The following CSMD1 variants were observed in gnomAD, a reference collection of about 807,000 sequenced individuals.
The protein encoded by CSMD1 is CUB and Sushi multiple domains 1.
Under a neutral mutation model 417.5 loss-of-function variants are expected in CSMD1, and 213 were observed. That is an observed-to-expected ratio of 0.51 (90% confidence interval 0.46 to 0.57). CSMD1 has a LOEUF of 0.57. Ranked by LOEUF, CSMD1 falls within the 20% of genes least tolerant of loss-of-function variation. The probability of loss-of-function intolerance (pLI) is 0.00; values close to 1 mark genes in which losing one functional copy is unlikely to be tolerated. For missense variants in CSMD1, 6,923 were observed against 4,529.7 expected, an observed-to-expected ratio of 1.53 and a Z score of -15.17; for synonymous variants, 2,862 against 1,736.8, an observed-to-expected ratio of 1.65 and a Z score of -16.11.
intron 1 of CSMD1, among the ~76,000 whole-genome samples, chr8:4,777,576 A>C (rs1796929933): frequency 1.3e-5 from 2 of 152,192 alleles, no homozygotes; most frequent in Admixed American, 6.5e-5. Flanking sequence ...TTATCAGCTA[A>C]TCCTACATGT....
At chr8:3,182,842 GT>G (rs1268628653) in intron 36 of CSMD1, 936 of 30,520 alleles carry the variant, frequency 0.031, 123 homozygotes, top group South Asian at 0.044. Context: ...TTATAAGAAG[GT>G]GTGTGTGTGT....
intron 3 of CSMD1, among the ~76,000 whole-genome samples, chr8:4,171,139 T>G (rs1304170205): frequency 1.3e-5 from 2 of 151,884 alleles, no homozygotes; most frequent in African/African-American, 4.9e-5. Context: ...GTATCCATGC[T>G]CCTGCTTAGT....
intron 50 of CSMD1, among the ~76,000 whole-genome samples, chr8:3,033,360 G>T (rs1810469196): frequency 6.6e-6 from 1 of 152,070 alleles, no homozygotes; most frequent in Admixed American, 6.6e-5. Flanking sequence ...TACAGATAAA[G>T]CATTGTTGTT....
At chr8:4,695,598 C>G (rs1029410079) in intron 1 of CSMD1, among the ~76,000 whole-genome samples, 2 of 152,138 alleles carry the variant, frequency 1.3e-5, no homozygotes, top group Non-Finnish European at 1.5e-5. Flanking sequence ...CTATCCCCCC[C>G]ACCACACAGC....
Position 3,450,112 on chromosome 8 carries a change from A to T in CSMD1, c.1561+18600T>A, listed in dbSNP as rs376549521. On this transcript the variant is annotated intron_variant, in intron 12 of 69. Coordinates refer to ENST00000635120, the MANE Select transcript of CSMD1 (RefSeq NM_033225.6). ...TTTGCTGACTGTTTCACTTTCATGT[A>T]TGTGTCCTGCACATCAGGATTTGCT... Among the ~76,000 whole-genome samples, 10 of 152,162 alleles carry T rather than the reference A, an allele frequency of 6.6e-5. No homozygotes were observed. In the East Asian group the frequency reaches 1.7e-3, roughly 27 times the overall value.
intron 1 of CSMD1, among the ~76,000 whole-genome samples, chr8:4,921,667 GGTGT>G (rs201829067): frequency 6.6e-6 from 1 of 152,066 alleles, no homozygotes; most frequent in Non-Finnish European, 1.5e-5. Flanking sequence ...AGAAGTGATG[GGTGT>G]GTGTGTGTCG....
intron 5 of CSMD1, among the ~76,000 whole-genome samples, chr8:3,835,924 G>C (rs1427716323): frequency 6.6e-6 from 1 of 151,828 alleles, no homozygotes; most frequent in Non-Finnish European, 1.5e-5. Context: ...TATTTTCTCC[G>C]TAGGAACAAT....
chr8:4,292,462 C>G (rs1053770604), intron 3 of CSMD1, among the ~76,000 whole-genome samples: 1 of 152,078 alleles, frequency 6.6e-6, no homozygotes, highest in African/African-American at 2.4e-5. Flanking sequence ...CCGTGTTAGT[C>G]AGAATGGTCT....
intron 26 of CSMD1, among the ~76,000 whole-genome samples, chr8:3,266,815 G>A (rs914623265): frequency 4.7e-5 from 7 of 149,416 alleles, no homozygotes; most frequent in African/African-American, 1.7e-4. Flanking sequence ...ACCCTCAGAT[G>A]AATTGGTTGA....
At chr8:4,599,939 G>A (rs1800495779) in intron 2 of CSMD1, among the ~76,000 whole-genome samples, 1 of 152,170 alleles carries the variant, frequency 6.6e-6, no homozygotes, top group Admixed American at 6.5e-5. Context: ...GGTATGCATG[G>A]ATCTGACACG....
intron 8 of CSMD1, among the ~76,000 whole-genome samples, chr8:3,613,754 A>G (rs897197249): frequency 2.0e-5 from 3 of 151,114 alleles, no homozygotes; most frequent in Non-Finnish European, 3.0e-5. Context: ...AAAATTACAA[A>G]CAGAAGGATA....
At chr8:3,770,944 A>G (rs1028412865) in intron 5 of CSMD1, among the ~76,000 whole-genome samples, 3 of 152,132 alleles carry the variant, frequency 2.0e-5, no homozygotes, top group Admixed American at 1.3e-4. Context: ...TCCGAATTCA[A>G]TAGGAGGTAA....
At chr8:4,626,574 G>C (rs1802129391) in intron 2 of CSMD1, among the ~76,000 whole-genome samples, 2 of 152,068 alleles carry the variant, frequency 1.3e-5, no homozygotes, top group Admixed American at 1.3e-4. Flanking sequence ...CTAGACTCAG[G>C]GCATGGAGCC....
Position 3,921,111 on chromosome 8 carries a change from AAAG to A in CSMD1, c.818+76789_818+76791del, listed in dbSNP as rs139478885. On this transcript the variant is annotated intron_variant, in intron 5 of 69. Coordinates refer to ENST00000635120, the MANE Select transcript of CSMD1 (RefSeq NM_033225.6). ...GGTATCTATTTATGGGTTTTCTTTGAAAGAAGGTTGAACACTGACACATTTCCC... is the reference window on the plus strand; with the variant it reads ...GGTATCTATTTATGGGTTTTCTTTGAAAGGTTGAACACTGACACATTTCCC... Among the ~76,000 whole-genome samples the A allele has an allele frequency of 9.0e-3, 1,374 of 152,266 alleles. 20 individuals are homozygous for A. Among genetic ancestry groups the A allele is most frequent in the African/African-American group, 0.031 (1,297 of 41,570 alleles).
At chr8:4,855,977 T>C (rs1313242127) in intron 1 of CSMD1, among the ~76,000 whole-genome samples, 3 of 150,542 alleles carry the variant, frequency 2.0e-5, no homozygotes, top group Non-Finnish European at 4.4e-5. Context: ...TTCACCAAAG[T>C]TGAAATGAAG....
intron 5 of CSMD1, among the ~76,000 whole-genome samples, chr8:3,992,124 ATGTG>A (rs35587992): frequency 3.3e-5 from 5 of 150,344 alleles, no homozygotes; most frequent in Admixed American, 1.3e-4. Context: ...GTGTATATAT[ATGTG>A]TGTGTGTGTG....
chr8:4,132,774 A>C (rs139411120), intron 3 of CSMD1, among the ~76,000 whole-genome samples: 1 of 152,330 alleles, frequency 6.6e-6, no homozygotes, highest in Non-Finnish European at 1.5e-5. Context: ...CAATCCGTTT[A>C]AAAAGACACA....
At chr8:4,808,684 G>C (rs1007863022) in intron 1 of CSMD1, among the ~76,000 whole-genome samples, 1 of 152,112 alleles carries the variant, frequency 6.6e-6, no homozygotes, top group Non-Finnish European at 1.5e-5. Context: ...AGAACATACT[G>C]GTTTAAAAAT....
chr8:4,111,542 G>A (rs1045141179), intron 3 of CSMD1, among the ~76,000 whole-genome samples: 11 of 152,088 alleles, frequency 7.2e-5, no homozygotes, highest in Admixed American at 1.3e-4. Flanking sequence ...CTGATAGACT[G>A]GATAAAGAAA....
Sources: allele counts gnomAD v4.1 joint callset (sites outside exome capture counted in the v4.1 genomes callset), GRCh38; gene constraint gnomAD v4.1.1; transcripts MANE v1.5; gene names NCBI Gene and HGNC (gene_info 2026-07-23, HGNC 2026-07-21).